Variants in RAP1GAP2 observed in about 807,000 individuals in gnomAD.
RAP1GAP2 encodes the protein RAP1 GTPase activating protein 2, also known as rap1 GTPase-activating protein 2.
A neutral mutation model predicts 95.0 loss-of-function variants in RAP1GAP2; 27 were observed. The ratio of observed to expected loss-of-function variants is 0.28; its 90% CI spans 0.21 to 0.39. RAP1GAP2 has a LOEUF of 0.39. Ranked by LOEUF, RAP1GAP2 falls within the 10% of genes least tolerant of loss-of-function variation. RAP1GAP2 has a pLI of 1.00. For missense variants in RAP1GAP2, 771 were observed against 970.0 expected, an observed-to-expected ratio of 0.79 and a Z score of 2.72; for synonymous variants, 373 against 380.9, an observed-to-expected ratio of 0.98 and a Z score of 0.24.
At chr17:2,803,426 T>C (rs761145659) in intron 2 of RAP1GAP2, among the ~76,000 whole-genome samples, 12 of 152,100 alleles carry the variant, frequency 7.9e-5, no homozygotes, top group Admixed American at 5.9e-4. Flanking sequence ...AAGCCAGAGC[T>C]CAGGAGTGGT....
chr17:2,886,686 C>T (rs1405674740), intron 2 of RAP1GAP2, among the ~76,000 whole-genome samples: 3 of 152,182 alleles, frequency 2.0e-5, no homozygotes, highest in African/African-American at 7.2e-5. Context: ...TCAGGTTTGT[C>T]TAGGTGGGTG....
At chr17:2,998,013 C>T (rs1253944610) in intron 13 of RAP1GAP2, among the ~76,000 whole-genome samples, 1 of 152,070 alleles carries the variant, frequency 6.6e-6, no homozygotes, top group Non-Finnish European at 1.5e-5. Flanking sequence ...ATACACAAAG[C>T]ACGAAGCGTG....
At chr17:2,787,291 G>C (rs1457997886) in intron 1 of RAP1GAP2, among the ~76,000 whole-genome samples, 1 of 145,528 alleles carries the variant, frequency 6.9e-6, no homozygotes, top group Non-Finnish European at 1.5e-5. Flanking sequence ...TCGAGACAGA[G>C]TCTTGCTTTT....
Position 3,037,374 on chromosome 17 carries a change from C to CT in RAP1GAP2, c.*4013_*4014insT, listed in dbSNP as rs1336867142. The CT allele has an allele frequency of 3.7e-5, 3 of 80,678 alleles. No homozygotes were observed. The highest frequency in any genetic ancestry group is 7.8e-5 in the Non-Finnish European group (2 of 25,716). 5.0% of individuals were successfully genotyped at this position (80,678 alleles called of 1,614,324 possible). A position where few individuals can be genotyped will look rare whatever the true frequency, so the allele number is the denominator to read the frequency against. ...TTGGAAGTGTGAACTACCCCCCCCC[C>CT]CCCGCTTCCTGCTCCTTAGCATGCG... On this transcript the variant is annotated 3_prime_UTR_variant, in exon 25 of 25. Coordinates refer to ENST00000254695, the MANE Select transcript of RAP1GAP2 (RefSeq NM_015085.5).
At chr17:2,957,143 G>GAA (rs35079286) in intron 3 of RAP1GAP2, among the ~76,000 whole-genome samples, 14 of 143,932 alleles carry the variant, frequency 9.7e-5, no homozygotes, top group African/African-American at 2.9e-4. Context: ...AAAAAAAAAA[G>GAA]AAAAAAAAAA....
intron 8 of RAP1GAP2, among the ~76,000 whole-genome samples, chr17:2,972,714 T>G (rs141175151): frequency 2.0e-5 from 3 of 149,362 alleles, no homozygotes; most frequent in Non-Finnish European, 3.0e-5. Context: ...GTAAATAAAA[T>G]AGCAGCCCCA....
In RAP1GAP2 at chr17:2,906,369, G is replaced by A. The variant is rs373213037; in HGVS notation, c.165+1001G>A. ...ATCTTCCTGTTGTTGTCCTGTATCC[G>A]ATACCCATCACATACAGAGCCATGT... On this transcript the variant is annotated intron_variant, in intron 3 of 24. Transcript: ENST00000254695. This position sits in a 1 kb window ranked among gnomAD's most constrained non-coding sequence, Gnocchi z 4.3. Among the ~76,000 whole-genome samples the A allele has an allele frequency of 1.2e-4, 18 of 151,900 alleles. No individual in the cohort carries two copies. Among genetic ancestry groups the A allele is most frequent in the Non-Finnish European group, 1.9e-4 (13 of 67,982 alleles).
At chr17:2,805,284 TC>T (rs989327466) in intron 2 of RAP1GAP2, among the ~76,000 whole-genome samples, 3 of 152,086 alleles carry the variant, frequency 2.0e-5, no homozygotes, top group Non-Finnish European at 4.4e-5. Context: ...CCTGGGGTTT[TC>T]TTGTGGAGCT....
At chr17:3,013,535 CACTT>C (rs916971894) in intron 17 of RAP1GAP2, among the ~76,000 whole-genome samples, 2 of 152,056 alleles carry the variant, frequency 1.3e-5, no homozygotes, top group African/African-American at 4.8e-5. Context: ...CGCCTCCTCA[CACTT>C]ACCTTGCTGA....
chr17:2,812,525 T>A (rs954732700), intron 2 of RAP1GAP2, among the ~76,000 whole-genome samples: 2 of 152,152 alleles, frequency 1.3e-5, no homozygotes, highest in African/African-American at 2.4e-5. Flanking sequence ...TAGTGCTGAC[T>A]CTGATGGGCT....
chr17:2,977,455 A>G (rs1004548825), intron 8 of RAP1GAP2, among the ~76,000 whole-genome samples: 3 of 152,090 alleles, frequency 2.0e-5, no homozygotes, highest in Non-Finnish European at 4.4e-5. Context: ...AACTATTTCA[A>G]AGGATCAAGC....
intron 2 of RAP1GAP2, among the ~76,000 whole-genome samples, chr17:2,841,101 G>C (rs1001757357): frequency 6.6e-6 from 1 of 151,888 alleles, no homozygotes; most frequent in Non-Finnish European, 1.5e-5. Flanking sequence ...GTTGCAGTGA[G>C]CCGAGATTGC....
At position 3,003,008 on chromosome 17, in the gene RAP1GAP2, G is replaced by A; in HGVS notation, c.1201-2361G>A. ...GTGAAAAGGCCACTGGGCGACAGTG[G>A]TTACCCCTTACCAGCTGCTTGCTCA... On this transcript the variant is annotated intron_variant, in intron 14 of 24. Coordinates refer to ENST00000254695, the MANE Select transcript of RAP1GAP2 (RefSeq NM_015085.5). This position sits in a 1 kb window ranked among gnomAD's most constrained non-coding sequence, Gnocchi z 4.1. Among the ~76,000 whole-genome samples, 1 of 151,730 alleles carries A rather than the reference G, an allele frequency of 6.6e-6. No homozygotes were observed. Among genetic ancestry groups the A allele is most frequent in the Admixed American group, 6.6e-5 (1 of 15,180 alleles).
intron 19 of RAP1GAP2, among the ~76,000 whole-genome samples, chr17:3,022,135 T>A (rs1055771077): frequency 6.6e-6 from 1 of 152,240 alleles, no homozygotes; most frequent in Non-Finnish European, 1.5e-5. Context: ...TTTCTCTGCA[T>A]CCTCACCAGC....
chr17:2,920,015 T>C (rs576815145), intron 3 of RAP1GAP2, among the ~76,000 whole-genome samples: 49 of 149,192 alleles, frequency 3.3e-4, no homozygotes, highest in Admixed American at 2.3e-3. Context: ...TTTTTCTTTT[T>C]TTTTTTTTTT....
Position 2,857,999 on chromosome 17 carries a change from C to G in RAP1GAP2, c.81-47285C>G, listed in dbSNP as rs2072217918. Reference sequence around the variant, plus strand: ...CCTGTAATCCCAGCTATTCAGGAGGCTGAGGCAGGACAACTGCTTGAACCC... The same window carrying G: ...CCTGTAATCCCAGCTATTCAGGAGGGTGAGGCAGGACAACTGCTTGAACCC... On this transcript the variant is annotated intron_variant, in intron 2 of 24. Coordinates refer to ENST00000254695, the MANE Select transcript of RAP1GAP2 (RefSeq NM_015085.5). The surrounding 1 kb of genome is among the most constrained non-coding windows in gnomAD (Gnocchi z 4.0). Among the ~76,000 whole-genome samples, 1 of 152,102 alleles carries G rather than the reference C, an allele frequency of 6.6e-6. No homozygotes were observed. Among genetic ancestry groups the G allele is most frequent in the East Asian group, 1.9e-4 (1 of 5,184 alleles).
At chr17:2,763,424 G>A (rs1242371169) in intron 1 of RAP1GAP2, among the ~76,000 whole-genome samples, 1 of 152,160 alleles carries the variant, frequency 6.6e-6, no homozygotes, top group Non-Finnish European at 1.5e-5. Flanking sequence ...GGCCGGGTGC[G>A]GCAGCTCATG....
intron 3 of RAP1GAP2, among the ~76,000 whole-genome samples, chr17:2,942,243 A>G (rs1488449131): frequency 6.6e-6 from 1 of 152,146 alleles, no homozygotes; most frequent in South Asian, 2.1e-4. Context: ...TGCCCAGTTC[A>G]GTGCCTTATA....
intron 3 of RAP1GAP2, among the ~76,000 whole-genome samples, chr17:2,955,955 C>T (rs936472835): frequency 2.6e-5 from 4 of 152,206 alleles, no homozygotes; most frequent in Non-Finnish European, 5.9e-5. Context: ...TGTCTTTGTG[C>T]ACATTGCAAG....
Sources: gnomAD v4.1 joint callset for allele counts (sites outside exome capture counted in the v4.1 genomes callset) on GRCh38, gnomAD v4.1.1 for gene constraint, Gnocchi (gnomAD v3.1) non-coding constraint, MANE v1.5 for transcripts, NCBI Gene and HGNC (gene_info 2026-07-23, HGNC 2026-07-21) for gene names.